BLTP1: variants seen among roughly 807,000 people sequenced by gnomAD.
BLTP1 encodes the protein bridge-like lipid transfer protein family member 1, also known as fragile site-associated protein.
chr4:122,197,415 T>A, the BLTP1 span: 1 of 971,608 alleles, frequency 1.0e-6, no homozygotes, highest in Non-Finnish European at 1.3e-6. Flanking sequence ...CCTATACTCA[T>A]TAAAGGGAAA....
At chr4:122,213,426 A>C in the BLTP1 span, among the ~76,000 whole-genome samples, 1 of 151,938 alleles carries the variant, frequency 6.6e-6, no homozygotes, top group Admixed American at 6.6e-5. Flanking sequence ...AAATGTATAT[A>C]TTATTTTTAT....
At chr4:122,272,607 A>G in the BLTP1 span, among the ~76,000 whole-genome samples, 2 of 152,018 alleles carry the variant, frequency 1.3e-5, no homozygotes, top group Non-Finnish European at 2.9e-5. Flanking sequence ...TGATGTCTAA[A>G]TATTTTAGCA....
the BLTP1 span, among the ~76,000 whole-genome samples, chr4:122,206,401 A>C: frequency 1.3e-5 from 2 of 151,950 alleles, no homozygotes; most frequent in Admixed American, 1.3e-4. Flanking sequence ...TGAAATAGGT[A>C]GTCAAGCATA....
chr4:122,334,839 T>A, the BLTP1 span, among the ~76,000 whole-genome samples: 4 of 152,038 alleles, frequency 2.6e-5, no homozygotes, highest in South Asian at 4.1e-4. Context: ...AGCTCAAATT[T>A]GGGAGCTTAT....
the BLTP1 span, chr4:122,229,564 A>G: frequency 3.8e-6 from 1 of 261,422 alleles, no homozygotes; most frequent in Non-Finnish European, 6.0e-6. Flanking sequence ...GGATTCATAC[A>G]TTTATATTTT....
the BLTP1 span, chr4:122,272,023 T>C: frequency 1.8e-6 from 2 of 1,132,772 alleles, no homozygotes; most frequent in Non-Finnish European, 2.5e-6. Context: ...AAGAAATTTT[T>C]AATCATTTTG....
the BLTP1 span, chr4:122,341,564 G>T: frequency 2.4e-6 from 1 of 415,788 alleles, no homozygotes; most frequent in Non-Finnish European, 3.2e-6. Flanking sequence ...AAAGGAATAT[G>T]AAATGAGAAA....
the BLTP1 span, among the ~76,000 whole-genome samples, chr4:122,203,058 C>T: frequency 6.6e-6 from 1 of 151,826 alleles, no homozygotes; most frequent in Non-Finnish European, 1.5e-5. Context: ...AACTTATTCT[C>T]TAAAAAGGAC....
chr4:122,262,710 T>C, the BLTP1 span: 6 of 1,514,350 alleles, frequency 4.0e-6, no homozygotes, highest in East Asian at 1.1e-4. Context: ...GTTGTAGTTA[T>C]CAGCTGTCAT....
the BLTP1 span, chr4:122,340,668 A>G: frequency 1.0e-6 from 1 of 957,616 alleles, no homozygotes; most frequent in Non-Finnish European, 1.2e-6. Context: ...AAAGGCTGAT[A>G]CCTTAGAAAT....
the BLTP1 span, chr4:122,247,341 G>A: frequency 6.2e-7 from 1 of 1,613,116 alleles, no homozygotes; most frequent in Admixed American, 1.7e-5. Flanking sequence ...GGCAACTTAG[G>A]GGTCTTGATA....
At chr4:122,173,651 CT>C in the BLTP1 span, among the ~76,000 whole-genome samples, 2 of 151,998 alleles carry the variant, frequency 1.3e-5, no homozygotes, top group African/African-American at 4.8e-5. Flanking sequence ...AGAAATTTAC[CT>C]TTGTTTCATG....
At chr4:122,196,023 A>G in the BLTP1 span, among the ~76,000 whole-genome samples, 25 of 152,326 alleles carry the variant, frequency 1.6e-4, no homozygotes, top group South Asian at 4.3e-3. Context: ...CATTTTTGTC[A>G]AATGATAAGG....
chr4:122,267,051 A>ATTATTTTTTTTTTTTTTTTTTT, the BLTP1 span: 1 of 138,564 alleles, frequency 7.2e-6, no homozygotes, highest in African/African-American at 7.0e-5. Flanking sequence ...TAAGGAAGTA[A>ATTATTTTTTTTTTTTTTTTTTT]TTTTTTTTTT....
At chr4:122,340,794 T>C in the BLTP1 span, 3 of 973,776 alleles carry the variant, frequency 3.1e-6, no homozygotes, top group East Asian at 3.4e-4. Flanking sequence ...GAAAAACATT[T>C]TCTGATTATA....
chr4:122,220,616 T>C, the BLTP1 span: 2 of 642,354 alleles, frequency 3.1e-6, no homozygotes, highest in East Asian at 6.4e-5. Flanking sequence ...AAGTTTTGTA[T>C]GTATGTTTAT....
At chr4:122,210,341 G>A in the BLTP1 span, among the ~76,000 whole-genome samples, 2 of 152,102 alleles carry the variant, frequency 1.3e-5, no homozygotes, top group Non-Finnish European at 1.5e-5. Context: ...TTTCTTTAAT[G>A]CATTTTGACA....
chr4:122,245,738 T>C, the BLTP1 span, among the ~76,000 whole-genome samples: 6 of 152,228 alleles, frequency 3.9e-5, no homozygotes, highest in East Asian at 1.2e-3. Flanking sequence ...ATTATTTTAG[T>C]TAACTATTTA....
At chr4:122,324,370 G>A in the BLTP1 span, 2 of 1,526,766 alleles carry the variant, frequency 1.3e-6, no homozygotes, top group Non-Finnish European at 1.8e-6. Context: ...TTTATTTGAA[G>A]TCAAATACAG....
Sources: allele counts gnomAD v4.1 joint callset (sites outside exome capture counted in the v4.1 genomes callset), GRCh38; gene constraint gnomAD v4.1.1; transcripts MANE v1.5; gene names NCBI Gene and HGNC (gene_info 2026-07-23, HGNC 2026-07-21).